PITPNM2: variants seen among roughly 807,000 people sequenced by gnomAD.
The protein encoded by PITPNM2 is membrane-associated phosphatidylinositol transfer protein 2.
A neutral mutation model predicts 132.2 loss-of-function variants in PITPNM2; 35 were observed. That is an observed-to-expected ratio of 0.26 (90% CI 0.20 to 0.35). The LOEUF is 0.35. Among genes scored for constraint, PITPNM2 ranks in the 10% least tolerant of loss-of-function variants. PITPNM2 has a pLI of 1.00. For missense variants in PITPNM2, 1,332 were observed against 1,912.0 expected (o/e 0.70, Z 5.66); for synonymous variants, 738 against 799.2 (o/e 0.92, Z 1.29).
rs1486220167 is a variant in PITPNM2, at chr12:123,012,616, T to C, written c.412A>G (p.Ile138Val). 1.1e-5 allele frequency: 17 copies of C among 1,613,870 alleles called. No individual in the cohort carries two copies. The highest frequency in any genetic ancestry group is 5.0e-5 in the Admixed American group (3 of 60,004). The change falls in exon 5 of 26, where the codon ATC (isoleucine) becomes GTC (valine). Residue 138 changes from isoleucine (I) to valine (V), a missense_variant. Around this residue, in one of 6 missense-constraint regions of PITPNM2, gnomAD observed 122 missense variants for 209.6 expected, o/e 0.58. Coordinates refer to ENST00000320201, the MANE Select transcript of PITPNM2 (RefSeq NM_020845.3). ...LSPVEKNQLT[I>V]DFIDIVKDPV... is the part of the protein sequence containing the mutation. ...GGGCTCTGCCCTTCCTGGTTACCGA[T>C]TGTCAGCTGGTTCTTTTCCACAGGA... is the stretch of plus-strand genomic sequence containing the variant.
intron 3 of PITPNM2, among the ~76,000 whole-genome samples, chr12:123,030,431 C>T (rs2040041937): frequency 6.6e-6 from 1 of 152,178 alleles, no homozygotes; most frequent in African/African-American, 2.4e-5. Flanking sequence ...CGGTGGCTCA[C>T]GCCTGTAATC....
At chr12:122,988,180 G>T in intron 20 of PITPNM2, 54 bp downstream of exon 20, 2 of 1,455,518 alleles carry the variant, frequency 1.4e-6, no homozygotes. Flanking sequence ...TCTGGACACG[G>T]AGGCTGGTGA....
intron 2 of PITPNM2, among the ~76,000 whole-genome samples, chr12:123,035,662 G>A (rs1256576200): frequency 1.3e-5 from 2 of 148,602 alleles, no homozygotes; most frequent in African/African-American, 5.0e-5. Context: ...GTGAAACTCC[G>A]TCTCAAAAAA....
intron 2 of PITPNM2, chr12:123,075,545 C>T (rs1469235266): frequency 6.6e-6 from 1 of 152,246 alleles, no homozygotes; most frequent in Non-Finnish European, 1.5e-5. Context: ...TCCCAGCGCT[C>T]CTGTCAAATT....
chr12:123,050,798 C>G (rs1300416470), intron 2 of PITPNM2, among the ~76,000 whole-genome samples: 1 of 152,194 alleles, frequency 6.6e-6, no homozygotes, highest in Non-Finnish European at 1.5e-5. Flanking sequence ...CTATTAGCTT[C>G]CCTTCATCAT....
intron 2 of PITPNM2, among the ~76,000 whole-genome samples, chr12:123,037,458 G>A (rs547231862): frequency 1.4e-3 from 213 of 152,306 alleles, no homozygotes; most frequent in Middle Eastern, 3.4e-3. Flanking sequence ...CCTGTGTGAC[G>A]TGCAGCACCC....
intron 2 of PITPNM2, chr12:123,091,478 T>C (rs1021788668): frequency 1.3e-5 from 2 of 152,206 alleles, no homozygotes; most frequent in Admixed American, 6.5e-5. Flanking sequence ...CACCTAGGGC[T>C]GGATGGTTCT....
At chr12:123,116,079 C>T (rs1203756017) in intron 1 of PITPNM2, among the ~76,000 whole-genome samples, 3 of 152,202 alleles carry the variant, frequency 2.0e-5, no homozygotes, top group African/African-American at 4.8e-5. Context: ...GCCATGCCCT[C>T]GTGGAGTCCC....
chr12:123,053,661 G>A (rs2040933266), intron 2 of PITPNM2, among the ~76,000 whole-genome samples: 2 of 148,854 alleles, frequency 1.3e-5, no homozygotes, highest in South Asian at 4.2e-4. Context: ...TCCACCTCCT[G>A]GGTTCAAGTG....
At chr12:122,997,702 G>T (rs1028925279) in intron 10 of PITPNM2, 130 bp from the exon 11 acceptor site, 163 of 1,294,084 alleles carry the variant, frequency 1.3e-4, no homozygotes, top group Non-Finnish European at 1.6e-4. Flanking sequence ...CCCCAGTTTT[G>T]GTTACTCATG....
rs1275394283 is a variant in PITPNM2 at position 122,996,800 on chromosome 12, A to G, written c.1583T>C (p.Val528Ala). 5.0e-6 allele frequency: 8 copies of G among 1,609,652 alleles called. No homozygotes were observed. In the African/African-American group the frequency reaches 6.7e-5, roughly 13 times the overall value. The part of the protein sequence containing the change: ...ATSSPQYQEA[V>A]ATVIQRANLA... ...GTTGGCTCGCTGAATCACTGTGGCA[A>G]CTGCCTCCTGGTACTGGGGGGAGGA... The change falls in exon 12 of 26, where the codon GTT (valine) becomes GCT (alanine). Residue 528 changes from valine to alanine, a missense_variant. Physicochemically the swap from Val to Ala is moderately conservative, Grantham distance 64. This residue lies in a region of PITPNM2 where 710 missense variants were observed against 911.5 expected (regional missense o/e 0.78). Coordinates refer to ENST00000320201, the MANE Select transcript of PITPNM2 (RefSeq NM_020845.3).
intron 3 of PITPNM2, among the ~76,000 whole-genome samples, chr12:123,016,138 C>T (rs1168787637): frequency 1.3e-5 from 2 of 151,972 alleles, no homozygotes; most frequent in African/African-American, 4.8e-5. Flanking sequence ...CCAGCCTGGC[C>T]AACATGGTAA....
Position 123,036,156 on chromosome 12 carries a change from T to C in PITPNM2, c.-95-1471A>G, listed in dbSNP as rs1480325691. ...TCAGGCAACTTCCCCAGGGCACGGC[T>C]CTCTATCGGGCATTGGAGTATCACC... On this transcript the variant is annotated intron_variant, in intron 2 of 25. Transcript: ENST00000320201. This position sits in a 1 kb window ranked among gnomAD's most constrained non-coding sequence, Gnocchi z 4.1. 1.3e-5 allele frequency among the ~76,000 whole-genome samples: 2 copies of C among 152,220 alleles called. No individual in the cohort carries two copies. The highest frequency in any genetic ancestry group is 2.9e-5 in the Non-Finnish European group (2 of 68,044).
intron 3 of PITPNM2, among the ~76,000 whole-genome samples, chr12:123,027,798 C>T (rs1180269974): frequency 3.3e-5 from 5 of 152,216 alleles, no homozygotes; most frequent in Admixed American, 1.3e-4. Context: ...TCACCAGGAA[C>T]TTCAAAGCTG....
chr12:123,097,837 C>T lies in PITPNM2; in HGVS notation c.-96+12548G>A, dbSNP rs1471545822. 6.6e-6 allele frequency among the ~76,000 whole-genome samples: 1 copy of T among 152,274 alleles called. No homozygotes were observed. On this transcript the variant is annotated intron_variant, in intron 2 of 25. Coordinates refer to ENST00000320201, the MANE Select transcript of PITPNM2 (RefSeq NM_020845.3). This position sits in a 1 kb window ranked among gnomAD's most constrained non-coding sequence, Gnocchi z 4.7. ...CCTCGCCCCTACATCTGCCACTTGGCAGTGGGTATGAGGAACAGCTGGACA... is the reference window on the plus strand; with the variant it reads ...CCTCGCCCCTACATCTGCCACTTGGTAGTGGGTATGAGGAACAGCTGGACA...
rs2037913179 is a variant in PITPNM2, at chr12:122,986,016, C to T, written c.*11G>A. The T allele has an allele frequency of 1.4e-6, 2 of 1,393,660 alleles. No homozygotes were observed. The highest frequency in any genetic ancestry group is 7.2e-5 in the Admixed American group (2 of 27,638). The allele number at this position is 1,393,660 out of a possible 1,614,324, so 86.3% of individuals were successfully genotyped here. ...AGCACCATGGAGACCCCGCGCTGCA[C>T]TCACGGTGCCCTACTTGGGGCCCGC... On this transcript the variant is annotated 3_prime_UTR_variant, in exon 26 of 26. Transcript: ENST00000320201.
chr12:123,001,124 C>A lies in PITPNM2; in HGVS notation c.1083G>T (p.Lys361Asn). 6.2e-7 allele frequency: 1 copy of A among 1,614,156 alleles called. No homozygotes were observed. The highest frequency in any genetic ancestry group is 8.5e-7 in the Non-Finnish European group (1 of 1,180,018). The change falls in exon 9 of 26, where the codon AAG (lysine) becomes AAT (asparagine). Residue 361 changes from lysine to asparagine, a missense_variant. This residue lies in a region of PITPNM2 where 710 missense variants were observed against 911.5 expected (regional missense o/e 0.78). Coordinates refer to ENST00000320201, the MANE Select transcript of PITPNM2 (RefSeq NM_020845.3). ...DLSDTEEMFPKDITKWSSNDL... is the reference protein window; with the variant it reads ...DLSDTEEMFPNDITKWSSNDL... ...CATTGGAGCTCCACTTGGTGATGTC[C>A]TTGGGGAACATTTCCTCTGTGTCGG...
In PITPNM2 at chr12:123,109,770, C is replaced by T. The variant is rs1243954850; in HGVS notation, c.-96+615G>A. ...AACAGAAAAGAGCCACTCTGGGGTG[C>T]TCTATAAACAGGAGAATAGCAGCCG... is the stretch of plus-strand genomic sequence containing the variant. On this transcript the variant is annotated intron_variant, in intron 2 of 25. Coordinates refer to ENST00000320201, the MANE Select transcript of PITPNM2 (RefSeq NM_020845.3). Among the ~76,000 whole-genome samples, 4 of 152,314 alleles carry T rather than the reference C, an allele frequency of 2.6e-5. No homozygotes were observed. The South Asian group carries it at 8.3e-4, about 32-fold the overall frequency.
intron 1 of PITPNM2, among the ~76,000 whole-genome samples, chr12:123,112,538 CTTT>C (rs113732529): frequency 2.1e-5 from 3 of 140,072 alleles, no homozygotes; most frequent in Non-Finnish European, 3.1e-5. Flanking sequence ...CTTCAATATA[CTTT>C]TTTTTTTTTT....
Sources: gnomAD v4.1 joint callset for allele counts (sites outside exome capture counted in the v4.1 genomes callset) on GRCh38, gnomAD v4.1.1 for gene constraint, gnomAD v4.1.1 regional missense constraint, Gnocchi (gnomAD v3.1) non-coding constraint, MANE v1.5 for transcripts, NCBI Gene and HGNC (gene_info 2026-07-23, HGNC 2026-07-21) for gene names.